Variants in NUP42 observed in about 807,000 individuals in gnomAD.
NUP42 encodes nucleoporin 42.
NUP42 carries 47 observed loss-of-function variants against 35.9 expected under a neutral mutation model. The observed-to-expected ratio is 1.31, with a 90% CI of 1.04 to 1.67. The LOEUF (loss-of-function observed/expected upper bound fraction) is 1.67, where lower values mean the gene tolerates loss of function less well. Ranked by LOEUF, NUP42 falls within the 40% of genes most tolerant of loss-of-function variation. NUP42 has a pLI of 0.00. For missense variants in NUP42, 514 were observed against 492.2 expected (o/e 1.04, Z -0.42); for synonymous variants, 173 against 173.3 (o/e 1.00, Z 0.01).
chr7:23,190,155 T>G (rs1618339), intron 3 of NUP42, among the ~76,000 whole-genome samples: 1 of 152,040 alleles, frequency 6.6e-6, no homozygotes, highest in Middle Eastern at 3.2e-3. Context: ...TACCACTTGT[T>G]AAGTTTTGGT....
intron 5 of NUP42, among the ~76,000 whole-genome samples, chr7:23,197,896 C>G (rs1786072000): frequency 6.6e-6 from 1 of 151,320 alleles, no homozygotes; most frequent in Non-Finnish European, 1.5e-5. Flanking sequence ...CTGGAAAAGA[C>G]AAGTCTCATT....
intron 1 of NUP42, among the ~76,000 whole-genome samples, chr7:23,183,393 G>T (rs978953369): frequency 1.3e-5 from 2 of 152,024 alleles, no homozygotes; most frequent in African/African-American, 2.4e-5. Flanking sequence ...GATAATTTTT[G>T]TATTTTTAGT....
intron 5 of NUP42, chr7:23,197,068 T>C: frequency 2.0e-6 from 1 of 498,848 alleles, no homozygotes; most frequent in Non-Finnish European, 3.5e-6. Flanking sequence ...TAAGGTTATC[T>C]GTATGTAAAA....
At chr7:23,194,613 G>T in intron 3 of NUP42, 1 of 155,920 alleles carries the variant, frequency 6.4e-6, no homozygotes, top group Non-Finnish European at 1.4e-5. Flanking sequence ...CACCGGCCTT[G>T]GTCTCCCAAA....
At chr7:23,200,088 TA>T (rs1786157495) in intron 6 of NUP42, 79 bp from the exon 7 acceptor site, 2 of 993,814 alleles carry the variant, frequency 2.0e-6, no homozygotes, top group East Asian at 2.6e-5. Context: ...GAAAAAAAGA[TA>T]GGGGGAGGAA....
At chr7:23,184,975 C>A in intron 1 of NUP42, 95 bp from the exon 2 acceptor site, 3 of 1,025,838 alleles carry the variant, frequency 2.9e-6, no homozygotes, top group Non-Finnish European at 4.2e-6. Context: ...CACTGTACTC[C>A]ACCCTGGGCA....
intron 2 of NUP42, among the ~76,000 whole-genome samples, chr7:23,186,711 AT>A (rs1785608052): frequency 3.3e-5 from 5 of 152,206 alleles, no homozygotes; most frequent in Admixed American, 3.3e-4. Flanking sequence ...CTATGATAGT[AT>A]TTATGTAATT....
Position 23,200,184 on chromosome 7 carries a change from C to G in NUP42, c.711C>G (p.Asn237Lys), listed in dbSNP as rs1459955067. 3.1e-6 allele frequency: 5 copies of G among 1,588,394 alleles called. No individual in the cohort carries two copies. The highest frequency in any genetic ancestry group is 3.4e-6 in the Non-Finnish European group (4 of 1,165,722). The change falls in exon 7 of 7, where the codon AAC becomes AAG. Residue 237 changes from asparagine (N) to lysine (K), a missense_variant. Physicochemically the swap from Asn to Lys is moderately conservative, Grantham distance 94. Transcript: ENST00000258742. ...TGTTTGTAGGCTTTCCAGTCAATAA[C>G]AGCAGCAGTGATAATGCTCAGAACT... ...TFMSPGFPVN[N>K]SSSDNAQNFS...
At chr7:23,197,251 A>G (rs1330604666) in intron 5 of NUP42, 1 of 1,281,846 alleles carries the variant, frequency 7.8e-7, no homozygotes, top group Non-Finnish European at 1.0e-6. Flanking sequence ...TATCTTTGTA[A>G]ATAAAGTTAT....
intron 2 of NUP42, 131 bp from the exon 3 acceptor site, chr7:23,186,921 A>G: frequency 1.7e-6 from 1 of 603,576 alleles, no homozygotes; most frequent in South Asian, 2.4e-5. Context: ...TTTAAAGAAC[A>G]CTCTTCAGAA....
intron 6 of NUP42, among the ~76,000 whole-genome samples, chr7:23,199,785 A>G (rs924269952): frequency 2.6e-5 from 4 of 152,246 alleles, no homozygotes; most frequent in Admixed American, 2.0e-4. Flanking sequence ...GGAGTTTCGT[A>G]GAAGTACATA....
In NUP42 at chr7:23,200,381, T is replaced by G; in HGVS notation, c.908T>G (p.Phe303Cys). The G allele has an allele frequency of 6.2e-7, 1 of 1,614,130 alleles. No homozygotes were observed. Among genetic ancestry groups the G allele is most frequent in the African/African-American group, 1.3e-5 (1 of 75,054 alleles). ...GTCACATCGGCTGCATCATTTTCAT[T>G]CAAAAGCCCTGCAGCTTCCAGTTTT... ...PEVTSAASFSFKSPAASSFGS... is the reference protein window; with the variant it reads ...PEVTSAASFSCKSPAASSFGS... The change falls in exon 7 of 7, where the codon TTC becomes TGC. Residue 303 changes from phenylalanine (F) to cysteine (C), a missense_variant. Physicochemically the swap from Phe to Cys is radical, Grantham distance 205. Transcript: ENST00000258742.
At chr7:23,183,754 T>TAAAAAAAAAAAAAAAAAAAAAAAA (rs571597955) in intron 1 of NUP42, among the ~76,000 whole-genome samples, 1 of 82,066 alleles carries the variant, frequency 1.2e-5, no homozygotes, top group Non-Finnish European at 2.6e-5. Flanking sequence ...AAAAGCAATG[T>TAAAAAAAAAAAAAAAAAAAAAAAA]AAAAAAAAAA....
chr7:23,184,700 T>TA (rs1785530451), intron 1 of NUP42, among the ~76,000 whole-genome samples: 1 of 152,142 alleles, frequency 6.6e-6, no homozygotes, highest in African/African-American at 2.4e-5. Flanking sequence ...ATAATGAAGA[T>TA]TTTTGAGATT....
intron 5 of NUP42, chr7:23,198,202 A>ATTTTTTTTTTTT (rs1554296929): frequency 9.3e-6 from 1 of 107,182 alleles, no homozygotes; most frequent in African/African-American, 4.7e-5. Flanking sequence ...AAACAAAAGC[A>ATTTTTTTTTTTT]TTCTTTTTTT....
At chr7:23,191,688 A>T (rs1268857760) in intron 3 of NUP42, among the ~76,000 whole-genome samples, 1 of 152,226 alleles carries the variant, frequency 6.6e-6, no homozygotes, top group Non-Finnish European at 1.5e-5. Context: ...CCCAATTATA[A>T]AAGTTACAGC....
chr7:23,185,285 G>T lies in NUP42; in HGVS notation c.337G>T (p.Glu113Ter). Reference protein sequence around the residue: ...ASLSPDEQKDEKKLLEGIVKD... With the variant: ...ASLSPDEQKD ...ACTTAGTCCTGATGAGCAGAAAGAT[G>T]AAAAGAAACTTCTGTAAGTGAAAGT... Residue 113 changes from glutamate to a stop codon, truncating the protein, a stop_gained, in exon 2 of 7, where the codon GAA (glutamate) becomes TAA (stop). Coordinates refer to ENST00000258742, the MANE Select transcript of NUP42 (RefSeq NM_007342.3). LOFTEE classifies it high-confidence loss of function. 6.2e-7 allele frequency: 1 copy of T among 1,606,478 alleles called. No individual in the cohort carries two copies. Among genetic ancestry groups the T allele is most frequent in the Non-Finnish European group, 8.5e-7 (1 of 1,176,322 alleles).
In NUP42 at chr7:23,196,769, G is replaced by A. The variant is rs372545705; in HGVS notation, c.609+3G>A. On this transcript the variant is annotated splice_donor_region_variant and intron_variant, in intron 5 of 6. Transcript: ENST00000258742. The stretch of plus-strand genomic sequence containing the variant: ...ATATATCAACTAAAGTAGCTTTGGT[G>A]AGTATGGGAGAGTTTTCTTGAGGGA... 76 of 1,560,486 alleles carry A rather than the reference G, an allele frequency of 4.9e-5. No individual in the cohort carries two copies. The African/African-American group carries it at 1.0e-3, about 21-fold the overall frequency.
At chr7:23,196,429 T>C (rs559313952) in intron 4 of NUP42, 2 of 416,532 alleles carry the variant, frequency 4.8e-6, no homozygotes, top group African/African-American at 2.0e-5. Flanking sequence ...CATCCAAATA[T>C]AACTAACTAC....
Sources: gnomAD v4.1 joint callset for allele counts (sites outside exome capture counted in the v4.1 genomes callset) on GRCh38, gnomAD v4.1.1 for gene constraint, MANE v1.5 for transcripts, NCBI Gene and HGNC (gene_info 2026-07-23, HGNC 2026-07-21) for gene names.